SSH2: variants seen among roughly 807,000 people sequenced by gnomAD.
SSH2 encodes protein phosphatase Slingshot homolog 2.
SSH2 carries 37 observed loss-of-function variants against 135.2 expected under a neutral mutation model. The observed-to-expected ratio is 0.27, with a 90% CI of 0.21 to 0.36. The LOEUF (loss-of-function observed/expected upper bound fraction) is 0.36, where lower values mean the gene tolerates loss of function less well. SSH2 is among the 10% of genes least tolerant of loss of function. The pLI, the probability that SSH2 is intolerant of heterozygous loss-of-function variation, is 1.00. For missense variants in SSH2, 1,408 were observed against 1,765.3 expected (o/e 0.80, Z 3.63); for synonymous variants, 628 against 646.2 (o/e 0.97, Z 0.43).
At chr17:29,779,992 G>C (rs1053293057) in intron 3 of SSH2, among the ~76,000 whole-genome samples, 1 of 151,808 alleles carries the variant, frequency 6.6e-6, no homozygotes, top group African/African-American at 2.4e-5. Flanking sequence ...GGAGGCCGCC[G>C]GATCACCTGA....
intron 3 of SSH2, among the ~76,000 whole-genome samples, chr17:29,718,167 C>A (rs1171043506): frequency 2.6e-5 from 4 of 152,170 alleles, no homozygotes; most frequent in African/African-American, 7.2e-5. Context: ...GGTTAACAAC[C>A]ATCCACCTTC....
At chr17:29,859,792 C>A (rs1462859847) in intron 1 of SSH2, among the ~76,000 whole-genome samples, 2 of 152,044 alleles carry the variant, frequency 1.3e-5, no homozygotes, top group African/African-American at 4.8e-5. Context: ...GATTTATATT[C>A]CTTTGGGTAT....
intron 8 of SSH2, chr17:29,676,592 G>T: frequency 2.1e-6 from 1 of 479,046 alleles, no homozygotes; most frequent in South Asian, 2.2e-5. Flanking sequence ...CAGAGCCTAA[G>T]AATAACACCT....
chr17:29,713,385 C>T (rs3102562), intron 3 of SSH2, among the ~76,000 whole-genome samples: 84,972 of 151,964 alleles, frequency 0.56, 24,155 homozygotes, highest in East Asian at 0.69. Context: ...ACTGGTCAGT[C>T]CATCTGAAGA....
chr17:29,820,433 G>A (rs1414690249), intron 2 of SSH2, among the ~76,000 whole-genome samples: 4 of 152,208 alleles, frequency 2.6e-5, no homozygotes, highest in Admixed American at 2.6e-4. Flanking sequence ...CAGGCACTGT[G>A]CTAGCTGCTG....
intron 3 of SSH2, among the ~76,000 whole-genome samples, chr17:29,714,935 C>T (rs138867966): frequency 6.2e-4 from 95 of 152,162 alleles, no homozygotes; most frequent in Non-Finnish European, 9.0e-4. Context: ...GGTGCAATCT[C>T]GGCTCACTGC....
chr17:29,736,786 C>CAAAAAAA (rs1194959594), intron 3 of SSH2, among the ~76,000 whole-genome samples: 160 of 10,206 alleles, frequency 0.016, 33 homozygotes, highest in Non-Finnish European at 0.023. Context: ...GACTCTGTCT[C>CAAAAAAA]AAAAAAAAAA....
intron 3 of SSH2, chr17:29,761,403 G>A (rs916212485): frequency 8.8e-5 from 93 of 1,061,220 alleles, no homozygotes; most frequent in Non-Finnish European, 1.0e-4. Flanking sequence ...AGCCGCCGAA[G>A]CCCCAGGGCT....
At position 29,630,872 on chromosome 17, in the gene SSH2, C is replaced by T. The variant is rs1169161800; in HGVS notation, c.4322G>A (p.Arg1441Gln). Residue 1441 changes from arginine to glutamine, a missense_variant, in exon 16 of 16, where the codon CGG (arginine) becomes CAG (glutamine). By Grantham distance (43) the Arg-to-Gln change is conservative. This residue lies in a region of SSH2 where 1,080 missense variants were observed against 1,144.5 expected (regional missense o/e 0.94). Coordinates refer to ENST00000540801, the MANE Select transcript of SSH2 (RefSeq NM_001282129.2). ...GGTATTATAGAAGGGGTTGGTTGTC[C>T]GTTTTTTGTCATTTGCCTTTTTCAG... ...RRLKKANDKK[R>Q]TTNPFYNTM The T allele has an allele frequency of 1.5e-5, 24 of 1,566,044 alleles. No homozygotes were observed. Among genetic ancestry groups the T allele is most frequent in the African/African-American group, 2.7e-5 (2 of 73,388 alleles).
At chr17:29,738,621 T>C (rs555936563) in intron 3 of SSH2, among the ~76,000 whole-genome samples, 1 of 151,898 alleles carries the variant, frequency 6.6e-6, no homozygotes, top group South Asian at 2.1e-4. Context: ...TGCTGCAATC[T>C]TGGCTCACTG....
chr17:29,672,923 TC>T (rs1283963115), intron 8 of SSH2, among the ~76,000 whole-genome samples: 2 of 152,024 alleles, frequency 1.3e-5, no homozygotes, highest in African/African-American at 4.8e-5. Flanking sequence ...GTCAGGCTGG[TC>T]TCAAACTCCT....
chr17:29,909,026 G>A (rs1007625803), intron 1 of SSH2, among the ~76,000 whole-genome samples: 2 of 151,812 alleles, frequency 1.3e-5, no homozygotes, highest in African/African-American at 2.4e-5. Flanking sequence ...GCAGTGAGCC[G>A]AGATCGTGCC....
At position 29,648,160 on chromosome 17, in the gene SSH2, CCT is replaced by C; in HGVS notation, c.1409_1410del (p.Gln470ArgfsTer11). On this transcript the variant is annotated frameshift_variant, in exon 14 of 16. Transcript: ENST00000540801. LOFTEE classifies it high-confidence loss of function. ...PSFMRQLEEYQGILLASKQRH... is the reference protein window; with the variant it reads ...PSFMRQLEEYXGILLASKQRH... ...CTGACTCACCTTGCCAGCAAGATCCCCTGATACTCTTCCAGTTGTCTCATGAA... is the reference window on the plus strand; with the variant it reads ...CTGACTCACCTTGCCAGCAAGATCCCGATACTCTTCCAGTTGTCTCATGAA... The C allele has an allele frequency of 6.2e-7, 1 of 1,613,924 alleles. No homozygotes were observed. The highest frequency in any genetic ancestry group is 1.3e-5 in the African/African-American group (1 of 75,042).
rs1408125753 is a variant in SSH2, at chr17:29,778,746, A to T, written c.188+15148T>A. ...CTACTCGTGAAGCTGAGGCAGGAGAATTGCTTGAATGTTGGAGATGGAGGT... is the reference window on the plus strand; with the variant it reads ...CTACTCGTGAAGCTGAGGCAGGAGATTTGCTTGAATGTTGGAGATGGAGGT... On this transcript the variant is annotated intron_variant, in intron 3 of 15. Coordinates refer to ENST00000540801, the MANE Select transcript of SSH2 (RefSeq NM_001282129.2). Among the ~76,000 whole-genome samples the T allele has an allele frequency of 5.4e-5, 8 of 147,446 alleles. No individual in the cohort carries two copies. The East Asian group carries it at 1.3e-3, about 23-fold the overall frequency.
intron 3 of SSH2, among the ~76,000 whole-genome samples, chr17:29,781,583 G>T (rs1448725906): frequency 1.4e-5 from 2 of 146,326 alleles, no homozygotes; most frequent in South Asian, 2.2e-4. Context: ...AGGTTCAAGC[G>T]ATTCTCCTGC....
chr17:29,741,304 A>G (rs2040545304), intron 3 of SSH2, among the ~76,000 whole-genome samples: 1 of 152,198 alleles, frequency 6.6e-6, no homozygotes, highest in Admixed American at 6.6e-5. Flanking sequence ...CAAAAGCCCT[A>G]GAAATATGTA....
At chr17:29,702,642 G>A (rs536917242) in intron 4 of SSH2, among the ~76,000 whole-genome samples, 35 of 152,206 alleles carry the variant, frequency 2.3e-4, no homozygotes, top group South Asian at 1.0e-3. Context: ...GTGACACAGC[G>A]AAACTCCATC....
At chr17:29,676,762 A>G (rs2037738299) in intron 8 of SSH2, 58 bp downstream of exon 8, 5 of 1,382,414 alleles carry the variant, frequency 3.6e-6, no homozygotes, top group South Asian at 1.2e-5. Context: ...CATTTCTTAC[A>G]AAATATTCCT....
intron 15 of SSH2, among the ~76,000 whole-genome samples, chr17:29,633,777 AAT>A (rs1252198521): frequency 6.6e-6 from 1 of 152,220 alleles, no homozygotes; most frequent in East Asian, 1.9e-4. Flanking sequence ...AGAATATCAA[AAT>A]CTGGGAATAG....
Sources: allele counts gnomAD v4.1 joint callset (sites outside exome capture counted in the v4.1 genomes callset), GRCh38; gene constraint gnomAD v4.1.1; regional missense constraint gnomAD v4.1.1; transcripts MANE v1.5; gene names NCBI Gene and HGNC (gene_info 2026-07-23, HGNC 2026-07-21).